HACE1: variants seen among roughly 807,000 people sequenced by gnomAD.
HACE1 encodes the protein E3 ubiquitin-protein ligase HACE1.
Under a neutral mutation model 118.4 loss-of-function variants are expected in HACE1, and 73 were observed. The observed-to-expected ratio is 0.62, with a 90% CI of 0.51 to 0.75. HACE1 has a LOEUF of 0.75. HACE1 is among the 30% of genes least tolerant of loss of function. The probability of loss-of-function intolerance (pLI) is 0.00; values close to 1 mark genes in which losing one functional copy is unlikely to be tolerated. For synonymous variants in HACE1, 368 were observed against 374.8 expected, an observed-to-expected ratio of 0.98 and a Z score of 0.21; for missense variants, 749 against 1,102.2, an observed-to-expected ratio of 0.68 and a Z score of 4.54.
At chr6:104,808,940 G>A (rs905635190) in intron 7 of HACE1, among the ~76,000 whole-genome samples, 2 of 152,090 alleles carry the variant, frequency 1.3e-5, no homozygotes, top group Non-Finnish European at 2.9e-5. Flanking sequence ...ATATTTGCTA[G>A]ATTAAAACTA....
chr6:104,738,972 G>A (rs1443864302), intron 22 of HACE1, among the ~76,000 whole-genome samples: 6 of 148,092 alleles, frequency 4.1e-5, no homozygotes, highest in Non-Finnish European at 7.4e-5. Context: ...CGGATCTCTC[G>A]GCAGAAACCC....
At chr6:104,757,529 C>T (rs1778859477) in intron 19 of HACE1, among the ~76,000 whole-genome samples, 1 of 152,184 alleles carries the variant, frequency 6.6e-6, no homozygotes, top group Non-Finnish European at 1.5e-5. Context: ...CACACCAAAA[C>T]CCCATCTATA....
intron 6 of HACE1, among the ~76,000 whole-genome samples, chr6:104,821,602 C>T (rs886345262): frequency 3.3e-5 from 5 of 152,126 alleles, no homozygotes; most frequent in African/African-American, 7.2e-5. Context: ...ATGCATCTTT[C>T]GAGGAAGGTG....
chr6:104,761,276 T>C (rs188779281), intron 19 of HACE1, among the ~76,000 whole-genome samples: 1 of 152,168 alleles, frequency 6.6e-6, no homozygotes, highest in Admixed American at 6.5e-5. Flanking sequence ...GCTGGAGGCA[T>C]CATGCTACCA....
chr6:104,772,397 A>G (rs1780725566), intron 17 of HACE1, among the ~76,000 whole-genome samples: 1 of 152,168 alleles, frequency 6.6e-6, no homozygotes, highest in Non-Finnish European at 1.5e-5. Flanking sequence ...ATATACACAT[A>G]CACATACACA....
chr6:104,850,410 C>A (rs1776087015), intron 3 of HACE1, among the ~76,000 whole-genome samples: 1 of 152,138 alleles, frequency 6.6e-6, no homozygotes, highest in Non-Finnish European at 1.5e-5. Context: ...ACCTTCTGGC[C>A]TTTCGTAAGC....
intron 17 of HACE1, among the ~76,000 whole-genome samples, chr6:104,772,856 G>C (rs967438847): frequency 1.3e-5 from 2 of 152,052 alleles, no homozygotes; most frequent in African/African-American, 4.8e-5. Context: ...CTGAGGAAAG[G>C]GGATATGGGA....
chr6:104,843,813 CT>C (rs1178873159), intron 4 of HACE1, among the ~76,000 whole-genome samples: 6 of 146,370 alleles, frequency 4.1e-5, no homozygotes, highest in Non-Finnish European at 4.5e-5. Flanking sequence ...TGTAGAGATT[CT>C]TTTTTTTTTA....
chr6:104,772,112 T>A, intron 17 of HACE1, 38 bp from the exon 18 acceptor site: 1 of 1,153,860 alleles, frequency 8.7e-7, no homozygotes, highest in Non-Finnish European at 1.3e-6. Flanking sequence ...TTATTAAGAA[T>A]CTATATGCAG....
chr6:104,782,854 C>A (rs7769270), intron 14 of HACE1, among the ~76,000 whole-genome samples: 85,872 of 152,036 alleles, frequency 0.56, 25,907 homozygotes, highest in African/African-American at 0.79. Context: ...ACCACTTATC[C>A]TATTTATTAT....
chr6:104,785,076 C>T lies in HACE1; in HGVS notation c.1318G>A (p.Asp440Asn), dbSNP rs757323758. The change falls in exon 12 of 24, where the codon GAT becomes AAT. Residue 440 changes from aspartate to asparagine, a missense_variant. Around this residue, in one of 5 missense-constraint regions of HACE1, gnomAD observed 267 missense variants for 312.2 expected, o/e 0.86. Transcript: ENST00000262903. The stretch of plus-strand genomic sequence containing the variant: ...GTCATAGAAATAACATCCTGACAAT[C>T]TGCACTGGCTTCCTGTCTCCCTGCA... Reference protein sequence around the residue: ...ALAGRQEASADCQDVISMTAN... With the variant: ...ALAGRQEASANCQDVISMTAN... 1 of 1,613,856 alleles carries T rather than the reference C, an allele frequency of 6.2e-7. No individual in the cohort carries two copies. Among genetic ancestry groups the T allele is most frequent in the Non-Finnish European group, 8.5e-7 (1 of 1,179,894 alleles).
At chr6:104,790,542 C>T (rs1399900715) in intron 11 of HACE1, among the ~76,000 whole-genome samples, 1 of 152,204 alleles carries the variant, frequency 6.6e-6, no homozygotes, top group African/African-American at 2.4e-5. Flanking sequence ...TGCTTGAGCC[C>T]AGGAGTTCGA....
At chr6:104,751,487 G>A (rs954895975) in intron 19 of HACE1, among the ~76,000 whole-genome samples, 1 of 151,974 alleles carries the variant, frequency 6.6e-6, no homozygotes. Context: ...ATAAGCAGAG[G>A]GCATGGTGGC....
chr6:104,815,665 T>C (rs1339095282), intron 6 of HACE1, among the ~76,000 whole-genome samples: 1 of 137,984 alleles, frequency 7.2e-6, no homozygotes, highest in African/African-American at 2.9e-5. Context: ...ACCCAGACTA[T>C]GGTGGAAGAA....
At chr6:104,786,604 CAAAA>C (rs778056795) in intron 11 of HACE1, 9 of 67,914 alleles carry the variant, frequency 1.3e-4, no homozygotes, top group South Asian at 1.0e-3. Flanking sequence ...ATACTGTCTC[CAAAA>C]AAAAAAAAAA....
chr6:104,756,446 T>TATACAC (rs1554225546), intron 19 of HACE1, among the ~76,000 whole-genome samples: 1 of 140,492 alleles, frequency 7.1e-6, no homozygotes, highest in African/African-American at 2.7e-5. Flanking sequence ...TATATATATA[T>TATACAC]ACACACACAC....
chr6:104,845,073 A>T (rs1775515883), intron 4 of HACE1, among the ~76,000 whole-genome samples: 1 of 152,108 alleles, frequency 6.6e-6, no homozygotes, highest in South Asian at 2.1e-4. Flanking sequence ...TATTGTATAC[A>T]TATTATATAA....
intron 14 of HACE1, 57 bp downstream of exon 14, chr6:104,784,029 A>G: frequency 2.3e-6 from 2 of 866,166 alleles, no homozygotes; most frequent in Non-Finnish European, 4.0e-6. Flanking sequence ...AAACAGTATT[A>G]GAATTTTAGA....
intron 19 of HACE1, among the ~76,000 whole-genome samples, chr6:104,757,604 G>C (rs1248448825): frequency 6.6e-6 from 1 of 152,108 alleles, no homozygotes; most frequent in Non-Finnish European, 1.5e-5. Flanking sequence ...AGAGCAGAAA[G>C]GCTGAAAATA....
Sources: allele counts gnomAD v4.1 joint callset (sites outside exome capture counted in the v4.1 genomes callset), GRCh38; gene constraint gnomAD v4.1.1; regional missense constraint gnomAD v4.1.1; transcripts MANE v1.5; gene names NCBI Gene and HGNC (gene_info 2026-07-23, HGNC 2026-07-21).